SLC35D2: variants seen among roughly 807,000 people sequenced by gnomAD.
The protein encoded by SLC35D2 is solute carrier family 35 member D2.
In SLC35D2, 43 loss-of-function variants were observed where a neutral mutation model predicts 41.8. The observed-to-expected ratio is 1.03, with a 90% CI of 0.81 to 1.33. SLC35D2 has a LOEUF of 1.33. Among genes scored for constraint, SLC35D2 ranks in the 40% most tolerant of loss-of-function variants. The pLI is 0.00. For synonymous variants in SLC35D2, 150 were observed against 163.9 expected (o/e 0.92, Z 0.65); for missense variants, 380 against 408.4 (o/e 0.93, Z 0.60).
At chr9:96,361,626 A>G (rs1327324215) in intron 3 of SLC35D2, among the ~76,000 whole-genome samples, 2 of 151,978 alleles carry the variant, frequency 1.3e-5, no homozygotes, top group African/African-American at 4.8e-5. Flanking sequence ...TCGAAGCTGC[A>G]GTGAGCTGTG....
chr9:96,383,567 G>A lies in SLC35D2; in HGVS notation c.68C>T (p.Ser23Leu), dbSNP rs1831301013. 9 of 1,485,928 alleles carry A rather than the reference G, an allele frequency of 6.1e-6. No individual in the cohort carries two copies. The highest frequency in any genetic ancestry group is 8.1e-6 in the Non-Finnish European group (9 of 1,117,476). 92.0% of individuals were successfully genotyped at this position (1,485,928 alleles called of 1,614,324 possible). A position where few individuals can be genotyped will look rare whatever the true frequency, so the allele number is the denominator to read the frequency against. ...CGCCGACAGCAGCCGGGCCACCCGC[G>A]AGGGCAGCCGCGCCGCGCCGGGCTC... ...GGEPGAARLP[S>L]RVARLLSALF... The change falls in exon 1 of 12, where the codon TCG becomes TTG. Residue 23 changes from serine (S) to leucine (L), a missense_variant. Physicochemically the swap from Ser to Leu is moderately radical, Grantham distance 145. Coordinates refer to ENST00000253270, the MANE Select transcript of SLC35D2 (RefSeq NM_007001.3).
intron 9 of SLC35D2, among the ~76,000 whole-genome samples, chr9:96,324,385 A>C (rs1828407843): frequency 6.6e-6 from 1 of 152,158 alleles, no homozygotes; most frequent in Admixed American, 6.5e-5. Context: ...CTTCTACTTA[A>C]GGTATCCTTC....
chr9:96,347,035 C>G (rs1448715074), intron 6 of SLC35D2, among the ~76,000 whole-genome samples: 1 of 152,134 alleles, frequency 6.6e-6, no homozygotes, highest in Non-Finnish European at 1.5e-5. Context: ...ACTTGGGAGG[C>G]TGAGGCAGGA....
At chr9:96,325,693 G>A (rs1392478997) in intron 9 of SLC35D2, among the ~76,000 whole-genome samples, 1 of 152,188 alleles carries the variant, frequency 6.6e-6, no homozygotes, top group Non-Finnish European at 1.5e-5. Context: ...TAATTAATTA[G>A]TCCCAGGTTA....
chr9:96,320,398 C>A (rs1335980192), downstream of SLC35D2, among the ~76,000 whole-genome samples: 1 of 152,086 alleles, frequency 6.6e-6, no homozygotes, highest in African/African-American at 2.4e-5. Context: ...TGCCTGTAAT[C>A]CCAGCTACTC....
chr9:96,349,571 G>A (rs1015248482), intron 6 of SLC35D2, among the ~76,000 whole-genome samples: 1 of 151,934 alleles, frequency 6.6e-6, no homozygotes, highest in African/African-American at 2.4e-5. Context: ...TGTCGTCCAG[G>A]CTGGAGTGCA....
At chr9:96,316,199 A>G (rs185386222), downstream of SLC35D2, among the ~76,000 whole-genome samples, 364 of 152,240 alleles carry the variant, frequency 2.4e-3, no homozygotes, top group Non-Finnish European at 3.8e-3. Context: ...AAGAATCCCT[A>G]CTACTTAAAG....
intron 3 of SLC35D2, among the ~76,000 whole-genome samples, chr9:96,361,414 C>T (rs1830274141): frequency 6.6e-6 from 1 of 152,118 alleles, no homozygotes; most frequent in Non-Finnish European, 1.5e-5. Flanking sequence ...AGGCCAGGCA[C>T]GGTGGCTCAC....
chr9:96,358,645 A>G (rs892911366), intron 4 of SLC35D2, among the ~76,000 whole-genome samples: 1 of 152,166 alleles, frequency 6.6e-6, no homozygotes, highest in Non-Finnish European at 1.5e-5. Context: ...TTGATAAAGG[A>G]AGCTTTTATC....
intron 1 of SLC35D2, among the ~76,000 whole-genome samples, chr9:96,376,070 C>T (rs539710229): frequency 1.0e-4 from 15 of 149,670 alleles, no homozygotes; most frequent in African/African-American, 2.7e-4. Context: ...CTGAGGCAGG[C>T]GAATCACGAG....
At chr9:96,350,347 C>CTTTTTTTTTTTTTTT (rs57531044) in intron 6 of SLC35D2, among the ~76,000 whole-genome samples, 3 of 91,008 alleles carry the variant, frequency 3.3e-5, no homozygotes, top group African/African-American at 1.5e-4. Flanking sequence ...ATTTTCTTTC[C>CTTTTTTTTTTTTTTT]TTTTTTTTTT....
intron 8 of SLC35D2, among the ~76,000 whole-genome samples, chr9:96,342,004 AAAAAC>A (rs1376134837): frequency 2.6e-5 from 4 of 151,916 alleles, no homozygotes; most frequent in African/African-American, 7.2e-5. Flanking sequence ...GCTGATTTAA[AAAAAC>A]AAAACAAAAC....
chr9:96,371,299 T>C (rs936488559), intron 1 of SLC35D2, among the ~76,000 whole-genome samples: 1 of 151,646 alleles, frequency 6.6e-6, no homozygotes, highest in Non-Finnish European at 1.5e-5. Flanking sequence ...ACCCCATCTC[T>C]ACTAAAAAAT....
intron 9 of SLC35D2, among the ~76,000 whole-genome samples, chr9:96,330,797 C>T (rs1406916039): frequency 6.6e-6 from 1 of 152,176 alleles, no homozygotes; most frequent in South Asian, 2.1e-4. Context: ...AGAGAGAGGG[C>T]CACACATCTC....
At chr9:96,351,043 G>T in intron 6 of SLC35D2, 60 bp downstream of exon 6, 1 of 1,236,242 alleles carries the variant, frequency 8.1e-7, no homozygotes, top group Non-Finnish European at 1.2e-6. Flanking sequence ...TGAGGATGGG[G>T]CTGGGCCTAT....
intron 5 of SLC35D2, 27 bp from the exon 6 acceptor site, chr9:96,351,198 GA>G: frequency 6.8e-7 from 1 of 1,465,626 alleles, no homozygotes; most frequent in South Asian, 1.1e-5. Flanking sequence ...AATAAGAAAG[GA>G]AAGGGAGCAG....
At chr9:96,356,302 T>C (rs1830019852) in intron 4 of SLC35D2, among the ~76,000 whole-genome samples, 1 of 151,914 alleles carries the variant, frequency 6.6e-6, no homozygotes, top group African/African-American at 2.4e-5. Flanking sequence ...CAGCCTCAGG[T>C]AGTCCTTTAC....
At chr9:96,377,785 A>G (rs1252395143) in intron 1 of SLC35D2, among the ~76,000 whole-genome samples, 2 of 152,174 alleles carry the variant, frequency 1.3e-5, no homozygotes, top group Non-Finnish European at 2.9e-5. Flanking sequence ...GTGGAGAGGA[A>G]GGCTAAGACT....
At chr9:96,329,870 A>C (rs1828729418) in intron 9 of SLC35D2, among the ~76,000 whole-genome samples, 1 of 152,250 alleles carries the variant, frequency 6.6e-6, no homozygotes, top group Non-Finnish European at 1.5e-5. Context: ...AACGGAACCA[A>C]TAGAACACAC....
Sources: gnomAD v4.1 joint callset for allele counts (sites outside exome capture counted in the v4.1 genomes callset) on GRCh38, gnomAD v4.1.1 for gene constraint, MANE v1.5 for transcripts, NCBI Gene and HGNC (gene_info 2026-07-23, HGNC 2026-07-21) for gene names.